TTC29: variants seen among roughly 807,000 people sequenced by gnomAD.
TTC29 encodes the protein tetratricopeptide repeat domain 29.
A neutral mutation model predicts 58.1 loss-of-function variants in TTC29; 49 were observed. That is an observed-to-expected ratio of 0.84 (90% CI 0.67 to 1.07). The LOEUF (loss-of-function observed/expected upper bound fraction) is 1.07, where lower values mean the gene tolerates loss of function less well. Ranked by LOEUF, TTC29 falls within the 50% of genes least tolerant of loss-of-function variation. The pLI, the probability that TTC29 is intolerant of heterozygous loss-of-function variation, is 0.00. For synonymous variants in TTC29, 209 were observed against 196.8 expected (o/e 1.06, Z -0.52); for missense variants, 582 against 555.6 (o/e 1.05, Z -0.48).
intron 4 of TTC29, among the ~76,000 whole-genome samples, chr4:146,929,259 CA>C (rs1455258553): frequency 4.6e-5 from 7 of 151,948 alleles, no homozygotes; most frequent in Non-Finnish European, 1.0e-4. Flanking sequence ...AGAGTAAGGT[CA>C]ACAAAAAAAT....
intron 2 of TTC29, chr4:146,944,116 TGA>T (rs1368074240): frequency 1.3e-5 from 2 of 152,358 alleles, no homozygotes; most frequent in East Asian, 3.9e-4. Flanking sequence ...TGCTACCAAA[TGA>T]GCTTAGCCCC....
chr4:146,925,232 G>T (rs1734847690), intron 4 of TTC29, among the ~76,000 whole-genome samples: 1 of 152,026 alleles, frequency 6.6e-6, no homozygotes, highest in Non-Finnish European at 1.5e-5. Flanking sequence ...GTGATTAAAG[G>T]CATTGTCCAA....
At chr4:146,841,672 G>C (rs1373193036) in intron 8 of TTC29, among the ~76,000 whole-genome samples, 1 of 151,832 alleles carries the variant, frequency 6.6e-6, no homozygotes, top group African/African-American at 2.4e-5. Flanking sequence ...AAGCAGTAAG[G>C]ACTCCTACTC....
At chr4:146,894,397 G>C (rs1160801432) in intron 6 of TTC29, among the ~76,000 whole-genome samples, 2 of 151,802 alleles carry the variant, frequency 1.3e-5, no homozygotes, top group African/African-American at 4.8e-5. Context: ...GGATGAAGCT[G>C]GAAACCATCA....
At chr4:146,793,242 C>A (rs1749596000) in intron 11 of TTC29, among the ~76,000 whole-genome samples, 1 of 152,220 alleles carries the variant, frequency 6.6e-6, no homozygotes, top group African/African-American at 2.4e-5. Flanking sequence ...TTGCATACTA[C>A]AGAGAAATCT....
chr4:146,799,801 C>A (rs1750086532), intron 11 of TTC29, among the ~76,000 whole-genome samples: 1 of 152,138 alleles, frequency 6.6e-6, no homozygotes, highest in Non-Finnish European at 1.5e-5. Flanking sequence ...AATTACATTT[C>A]TAGGTTGACA....
chr4:146,854,605 T>A (rs568284997), intron 8 of TTC29, among the ~76,000 whole-genome samples: 2 of 152,236 alleles, frequency 1.3e-5, no homozygotes, highest in Non-Finnish European at 2.9e-5. Flanking sequence ...CCCTCTCTAA[T>A]GTATCCCTAA....
chr4:146,939,566 T>A (rs1209064900), intron 3 of TTC29, among the ~76,000 whole-genome samples: 2 of 152,110 alleles, frequency 1.3e-5, no homozygotes, highest in Non-Finnish European at 2.9e-5. Flanking sequence ...CATGATATAA[T>A]TGCAACAGGA....
intron 2 of TTC29, among the ~76,000 whole-genome samples, chr4:146,941,071 C>T (rs1736345458): frequency 6.6e-6 from 1 of 152,254 alleles, no homozygotes. Context: ...AATCCTATTC[C>T]AAAGAGGAAG....
At chr4:146,785,604 GA>G (rs1748950544) in intron 11 of TTC29, among the ~76,000 whole-genome samples, 1 of 151,860 alleles carries the variant, frequency 6.6e-6, no homozygotes, top group Admixed American at 6.6e-5. Flanking sequence ...GGTCCTTAGA[GA>G]ACCTTCTTTT....
rs866631544 is a variant in TTC29, at chr4:146,792,666, T to C, written c.1330+10791A>G. ...CTTCGAAGTCTTATTATTTAAGAAATACTTTGTACAGCTTTAATATTATTT... is the reference window on the plus strand; with the variant it reads ...CTTCGAAGTCTTATTATTTAAGAAACACTTTGTACAGCTTTAATATTATTT... On this transcript the variant is annotated intron_variant, in intron 11 of 12. Coordinates refer to ENST00000325106, the MANE Select transcript of TTC29 (RefSeq NM_031956.4). Among the ~76,000 whole-genome samples the C allele has an allele frequency of 3.3e-5, 5 of 152,346 alleles. No individual in the cohort carries two copies. The South Asian group carries it at 8.3e-4, about 25-fold the overall frequency.
Position 146,909,092 on chromosome 4 carries a change from C to T in TTC29, c.334G>A (p.Glu112Lys). The T allele has an allele frequency of 6.2e-7, 1 of 1,613,872 alleles. No individual in the cohort carries two copies. The highest frequency in any genetic ancestry group is 8.5e-7 in the Non-Finnish European group (1 of 1,179,816). Residue 112 changes from glutamate to lysine, a missense_variant, in exon 5 of 13, where the codon GAG becomes AAG. Transcript: ENST00000325106. ...SLFWLQKPLE[E>K]QPDKLDYLYH... ...AGGTAATCCAGTTTATCAGGCTGCT[C>T]CTCCAGGGGCTTCTGCAGCCAGAAG...
At chr4:146,809,617 C>G (rs1308685699) in intron 10 of TTC29, among the ~76,000 whole-genome samples, 1 of 149,798 alleles carries the variant, frequency 6.7e-6, no homozygotes, top group Non-Finnish European at 1.5e-5. Context: ...TGAACAGACA[C>G]TTCTTATAAG....
At chr4:146,888,198 G>A (rs947866781) in intron 6 of TTC29, among the ~76,000 whole-genome samples, 2 of 152,182 alleles carry the variant, frequency 1.3e-5, no homozygotes, top group Non-Finnish European at 2.9e-5. Flanking sequence ...AGTTTTGCTA[G>A]ACTGCTTTGT....
chr4:146,736,305 C>T (rs915019674), intron 11 of TTC29, among the ~76,000 whole-genome samples: 2 of 151,138 alleles, frequency 1.3e-5, no homozygotes, highest in African/African-American at 2.4e-5. Flanking sequence ...ACTAGGACAA[C>T]AAAAAAATAA....
At chr4:146,862,716 T>C (rs567125115) in intron 8 of TTC29, among the ~76,000 whole-genome samples, 19 of 152,278 alleles carry the variant, frequency 1.2e-4, no homozygotes, top group African/African-American at 4.6e-4. Flanking sequence ...AGTCCCAGGC[T>C]TTTCCCAACT....
intron 10 of TTC29, among the ~76,000 whole-genome samples, chr4:146,813,471 T>C (rs912316484): frequency 1.3e-5 from 2 of 152,220 alleles, no homozygotes; most frequent in Non-Finnish European, 2.9e-5. Context: ...ATTTTTAAGA[T>C]GTGCTAATTC....
chr4:146,707,369 T>G, intron 12 of TTC29, 116 bp downstream of exon 12: 1 of 814,798 alleles, frequency 1.2e-6, no homozygotes, highest in Non-Finnish European at 1.9e-6. Flanking sequence ...GTTTCACTAT[T>G]AAGGTTATCA....
intron 2 of TTC29, chr4:146,942,818 G>A (rs1580053008): frequency 4.2e-6 from 2 of 477,924 alleles, no homozygotes; most frequent in South Asian, 9.2e-5. Flanking sequence ...TGGGCACTGG[G>A]GCCAGGGTAA....
Sources: gnomAD v4.1 joint callset for allele counts (sites outside exome capture counted in the v4.1 genomes callset) on GRCh38, gnomAD v4.1.1 for gene constraint, MANE v1.5 for transcripts, NCBI Gene and HGNC (gene_info 2026-07-23, HGNC 2026-07-21) for gene names.